SUZ12: variants seen among roughly 807,000 people sequenced by gnomAD.
SUZ12 encodes the protein polycomb protein SUZ12.
Under a neutral mutation model 87.3 loss-of-function variants are expected in SUZ12, and 17 were observed. The observed-to-expected ratio is 0.19, with a 90% confidence interval of 0.13 to 0.29. The LOEUF (loss-of-function observed/expected upper bound fraction) is 0.29. Ranked by LOEUF, SUZ12 falls within the 10% of genes least tolerant of loss-of-function variation. The pLI, the probability that SUZ12 is intolerant of heterozygous loss-of-function variation, is 1.00. For missense variants in SUZ12, 526 were observed against 912.2 expected (o/e 0.58, Z 5.45); for synonymous variants, 253 against 312.4 (o/e 0.81, Z 2.01).
intron 3 of SUZ12, among the ~76,000 whole-genome samples, chr17:31,946,455 C>T (rs1167407878): frequency 6.6e-6 from 1 of 152,102 alleles, no homozygotes; most frequent in African/African-American, 2.4e-5. Flanking sequence ...TTGCCTGAAC[C>T]CGGGAGGTGG....
In SUZ12 at chr17:31,989,621, C is replaced by T. The variant is rs150079656; in HGVS notation, c.1201+1124C>T. 3.0e-4 allele frequency among the ~76,000 whole-genome samples: 46 copies of T among 151,754 alleles called. No individual in the cohort carries two copies. The East Asian group carries it at 5.6e-3, about 19-fold the overall frequency. ...TTTTTTGTTTTTTTGTTTTTTGAGA[C>T]GAAGTCTCACTCTGTTGCCCAGACT... On this transcript the variant is annotated intron_variant, in intron 10 of 15. Coordinates refer to ENST00000322652, the MANE Select transcript of SUZ12 (RefSeq NM_015355.4).
intron 3 of SUZ12, among the ~76,000 whole-genome samples, chr17:31,943,740 G>A (rs1322235248): frequency 1.3e-5 from 2 of 151,238 alleles, no homozygotes; most frequent in African/African-American, 4.9e-5. Context: ...TTGCTCTGTC[G>A]TCTAGGCTGG....
intron 10 of SUZ12, among the ~76,000 whole-genome samples, chr17:31,990,243 G>GA (rs1909652829): frequency 6.7e-6 from 1 of 149,966 alleles, no homozygotes. Context: ...AAAGTGCTGA[G>GA]ATTACAGGCG....
intron 9 of SUZ12, among the ~76,000 whole-genome samples, chr17:31,986,850 C>T (rs573373178): frequency 3.3e-5 from 5 of 152,228 alleles, no homozygotes; most frequent in Non-Finnish European, 7.4e-5. Context: ...GCGCCCGGTC[C>T]TCTAATCTAA....
rs541422714 is a variant in SUZ12, at chr17:31,960,318, C to T, written c.456-5829C>T. Among the ~76,000 whole-genome samples, 32 of 152,128 alleles carry T rather than the reference C, an allele frequency of 2.1e-4. No homozygotes were observed. The South Asian group carries it at 6.6e-3, about 32-fold the overall frequency. On this transcript the variant is annotated intron_variant, in intron 4 of 15. Transcript: ENST00000322652. ...CTCCGCCTCCCAGGTTTAAGCGATT[C>T]TCCTGCCTCAGCCTCCTGAGTAGCT...
At chr17:31,941,301 C>T (rs866462333) in intron 3 of SUZ12, among the ~76,000 whole-genome samples, 4 of 151,450 alleles carry the variant, frequency 2.6e-5, no homozygotes, top group Admixed American at 6.6e-5. Context: ...TTGTCCCCCA[C>T]GCTGGAGTGT....
At chr17:31,983,637 G>A (rs909048290) in intron 9 of SUZ12, among the ~76,000 whole-genome samples, 2 of 152,168 alleles carry the variant, frequency 1.3e-5, no homozygotes, top group Admixed American at 6.5e-5. Context: ...TCTGCTCCTA[G>A]CTATGTGGCG....
In SUZ12 at chr17:31,973,907, G is replaced by A. The variant is rs530449203; in HGVS notation, c.591+676G>A. Among the ~76,000 whole-genome samples, 4 of 152,210 alleles carry A rather than the reference G, an allele frequency of 2.6e-5. No individual in the cohort carries two copies. The East Asian group carries it at 5.8e-4, about 22-fold the overall frequency. On this transcript the variant is annotated intron_variant, in intron 6 of 15. Transcript: ENST00000322652. ...GGGAGTAGACTAAGGCACCATGGAG[G>A]CAGCAGTGGAACTTTATTTTTGAAA...
In SUZ12 at chr17:31,996,920, A is replaced by C. The variant is rs759890937; in HGVS notation, c.1874+43A>C. ...TAATTTAAATATTTTATTATTCTTT[A>C]TGGTCTTTTGCTGTTTCACATTCTA... On this transcript the variant is annotated intron_variant, in intron 15 of 15. Transcript: ENST00000322652. The C allele has an allele frequency of 5.0e-6, 6 of 1,203,954 alleles. No individual in the cohort carries two copies. The South Asian group carries it at 1.2e-4, about 24-fold the overall frequency. 74.6% of individuals were successfully genotyped at this position (1,203,954 alleles called of 1,614,324 possible). A position where few individuals can be genotyped will look rare whatever the true frequency, so the allele number is the denominator to read the frequency against.
At chr17:31,968,196 A>G (rs575255523) in intron 5 of SUZ12, among the ~76,000 whole-genome samples, 5 of 152,276 alleles carry the variant, frequency 3.3e-5, no homozygotes, top group African/African-American at 1.2e-4. Flanking sequence ...AACCTTGCCA[A>G]TTGGCCAATT....
At chr17:31,959,249 T>G (rs1907555682) in intron 4 of SUZ12, among the ~76,000 whole-genome samples, 1 of 152,242 alleles carries the variant, frequency 6.6e-6, no homozygotes, top group Admixed American at 6.5e-5. Flanking sequence ...AGGTGCCTCA[T>G]CAGTTGCCAC....
intron 4 of SUZ12, among the ~76,000 whole-genome samples, chr17:31,952,982 G>A (rs368225634): frequency 9.2e-5 from 14 of 152,138 alleles, no homozygotes; most frequent in African/African-American, 1.4e-4. Flanking sequence ...AGGGCCAAAC[G>A]AAGCAAAATG....
intron 10 of SUZ12, among the ~76,000 whole-genome samples, chr17:31,989,694 G>A (rs1214692040): frequency 6.6e-6 from 1 of 151,476 alleles, no homozygotes; most frequent in African/African-American, 2.4e-5. Flanking sequence ...TGCCTCCCTG[G>A]TTCATGCCAT....
rs1045708936 is a variant in SUZ12 at position 31,996,490 on chromosome 17, G to A, written c.1795-308G>A. On this transcript the variant is annotated intron_variant, in intron 14 of 15. Transcript: ENST00000322652. ...AAGAGTTAGCTGGGCATGGTAGAGC[G>A]TGCTTGTGATCCCAGCTACTCGGGA... Among the ~76,000 whole-genome samples, 13 of 152,224 alleles carry A rather than the reference G, an allele frequency of 8.5e-5. 1 individual carries two copies. Among genetic ancestry groups the A allele is most frequent in the Non-Finnish European group, 1.9e-4 (13 of 68,016 alleles).
At chr17:31,955,181 C>T (rs1393818407) in intron 4 of SUZ12, among the ~76,000 whole-genome samples, 2 of 152,116 alleles carry the variant, frequency 1.3e-5, no homozygotes, top group Admixed American at 1.3e-4. Flanking sequence ...GGCTCAACTA[C>T]AGCCATGAAC....
intron 4 of SUZ12, among the ~76,000 whole-genome samples, chr17:31,948,342 A>T (rs1467637711): frequency 6.6e-6 from 1 of 152,096 alleles, no homozygotes; most frequent in Non-Finnish European, 1.5e-5. Context: ...TTATTTTTTG[A>T]TATTTTTGAT....
chr17:31,947,563 T>A, intron 3 of SUZ12, 54 bp from the exon 4 acceptor site: 2 of 1,567,870 alleles, frequency 1.3e-6, no homozygotes, highest in Non-Finnish European at 1.7e-6. Flanking sequence ...AAAGTATAAT[T>A]TGTTTCTTTT....
chr17:31,961,712 A>G (rs1319606870), intron 4 of SUZ12, among the ~76,000 whole-genome samples: 1 of 152,192 alleles, frequency 6.6e-6, no homozygotes, highest in Non-Finnish European at 1.5e-5. Flanking sequence ...TAGAATGGTA[A>G]CATTTTTCTT....
intron 5 of SUZ12, among the ~76,000 whole-genome samples, chr17:31,969,843 G>A (rs1417583639): frequency 6.6e-6 from 1 of 151,932 alleles, no homozygotes; most frequent in East Asian, 1.9e-4. Flanking sequence ...AATAGAGTCT[G>A]GGCAACATAG....
Sources: gnomAD v4.1 joint callset for allele counts (sites outside exome capture counted in the v4.1 genomes callset) on GRCh38, gnomAD v4.1.1 for gene constraint, MANE v1.5 for transcripts, NCBI Gene and HGNC (gene_info 2026-07-23, HGNC 2026-07-21) for gene names.